The following S100A1 variants were observed in gnomAD, a reference collection of about 807,000 sequenced individuals.
S100A1 encodes protein S100-A1.
Under a neutral mutation model 7.6 loss-of-function variants are expected in S100A1, and 3 were observed. That is an observed-to-expected ratio of 0.40 (90% CI 0.18 to 1.02). The LOEUF is 1.02. S100A1 is among the 50% of genes least tolerant of loss of function. The pLI is 0.35. For synonymous variants in S100A1, 49 were observed against 49.0 expected, an observed-to-expected ratio of 1.00 and a Z score of 0.00; for missense variants, 126 against 115.0, an observed-to-expected ratio of 1.10 and a Z score of -0.44.
chr1:153,630,672 G>C lies in S100A1; in HGVS notation c.141+10G>C, dbSNP rs780008385. ...CTCTGGCTTCCTGGATGTGAGCATA[G>C]AGTGGTGGAGTGGGAGTGGAGTGGG... On this transcript the variant is annotated intron_variant, in intron 2 of 2. Coordinates refer to ENST00000292169, the MANE Select transcript of S100A1 (RefSeq NM_006271.2). 28 of 1,613,620 alleles carry C rather than the reference G, an allele frequency of 1.7e-5. No individual in the cohort carries two copies. Among genetic ancestry groups the C allele is most frequent in the Admixed American group, 1.2e-4 (7 of 59,994 alleles).
intron 2 of S100A1, chr1:153,631,075 T>C (rs1667984682): frequency 3.4e-6 from 1 of 292,200 alleles, no homozygotes; most frequent in Non-Finnish European, 6.4e-6. Flanking sequence ...CATTGGAAGA[T>C]TATCTGGGTA....
chr1:153,628,597 G>T, intron 1 of S100A1, 101 bp downstream of exon 1: 1 of 1,486,842 alleles, frequency 6.7e-7, no homozygotes, highest in Non-Finnish European at 9.0e-7. Context: ...GCACTGTGGA[G>T]CACTGAGGAT....
At chr1:153,631,173 T>C in intron 2 of S100A1, 1 of 376,010 alleles carries the variant, frequency 2.7e-6, no homozygotes. Flanking sequence ...TTCATTCAAC[T>C]GGCATGAAGG....
At position 153,628,451 on chromosome 1, in the gene S100A1, T is replaced by C; in HGVS notation, c.-59T>C. 2 of 1,550,702 alleles carry C rather than the reference T, an allele frequency of 1.3e-6. No homozygotes were observed. The highest frequency in any genetic ancestry group is 8.7e-7 in the Non-Finnish European group (1 of 1,146,984). Reference sequence around the variant, plus strand: ...GCTCCAGCAGCCACATTTGCAACCTTGGCCATCTGTCCAGAACCTGCTCCC... The same window carrying C: ...GCTCCAGCAGCCACATTTGCAACCTCGGCCATCTGTCCAGAACCTGCTCCC... On this transcript the variant is annotated 5_prime_UTR_variant, in exon 1 of 3. Transcript: ENST00000292169.
chr1:153,631,321 C>G, intron 2 of S100A1: 2 of 813,192 alleles, frequency 2.5e-6, no homozygotes, highest in African/African-American at 1.7e-5. Context: ...AGCTGTGGGA[C>G]TTTGGGCATA....
At chr1:153,631,550 G>A (rs1668008697) in intron 2 of S100A1, 148 bp from the exon 3 acceptor site, 3 of 1,613,940 alleles carry the variant, frequency 1.9e-6, no homozygotes, top group Admixed American at 3.3e-5. Context: ...AAGCCCTCAA[G>A]ACCTTTGAGG....
At position 153,631,848 on chromosome 1, in the gene S100A1, A is replaced by G; in HGVS notation, c.*7A>G. ...CTTCTGGGAGAACAGTTGAGCAGAC[A>G]GCCACATTGGGCAGCGCCCTTCCTC... On this transcript the variant is annotated 3_prime_UTR_variant, in exon 3 of 3. Transcript: ENST00000292169. The G allele has an allele frequency of 1.2e-6, 2 of 1,613,372 alleles. No homozygotes were observed. Among genetic ancestry groups the G allele is most frequent in the South Asian group, 2.2e-5 (2 of 91,022 alleles).
At position 153,631,630 on chromosome 1, in the gene S100A1, C is replaced by G. The variant is rs201321320; in HGVS notation, c.142-68C>G. ...TCTTTGCCTCCTGCTCCTCAACCAC[C>G]CCCTTGCCTCTGACTCAGTGCTGTA... On this transcript the variant is annotated intron_variant, in intron 2 of 2. Coordinates refer to ENST00000292169, the MANE Select transcript of S100A1 (RefSeq NM_006271.2). 573 of 1,613,410 alleles carry G rather than the reference C, an allele frequency of 3.6e-4. 1 individual carries two copies. The highest frequency in any genetic ancestry group is 8.2e-4 in the Middle Eastern group (5 of 6,082).
chr1:153,630,205 C>T, intron 1 of S100A1: 2 of 450,934 alleles, frequency 4.4e-6, no homozygotes, highest in Non-Finnish European at 7.8e-6. Context: ...CCTGGGCAGC[C>T]ACTGCAGACA....
chr1:153,629,442 G>A (rs1667879348), intron 1 of S100A1: 1 of 152,250 alleles, frequency 6.6e-6, no homozygotes, highest in African/African-American at 2.4e-5. Flanking sequence ...CCTGGGGAAG[G>A]ATGGGGACAT....
At position 153,631,760 on chromosome 1, in the gene S100A1, G is replaced by C. The variant is rs1486545713; in HGVS notation, c.204G>C (p.Gly68=). The C allele has an allele frequency of 6.2e-7, 1 of 1,614,082 alleles. No individual in the cohort carries two copies. Residue 68 remains glycine (G), a synonymous_variant, in exon 3 of 3, where the codon GGG becomes GGC. Transcript: ENST00000292169. ...AGGAGCTAGACGAGAATGGAGACGG[G>C]GAGGTGGACTTCCAGGAGTATGTGG... The part of the protein sequence containing the change: ...VMKELDENGD[G]EVDFQEYVVL...
chr1:153,630,938 G>A lies in S100A1; in HGVS notation c.141+276G>A, dbSNP rs999849238. 5.1e-5 allele frequency: 24 copies of A among 467,238 alleles called. No homozygotes were observed. In the Admixed American group the frequency reaches 7.9e-4, roughly 15 times the overall value. 28.9% of individuals were successfully genotyped at this position (467,238 alleles called of 1,614,324 possible). Reference sequence around the variant, plus strand: ...AGAAGGGAAAGATTGACACTTAAAAGTAAACCATGAACTCCAGGAAATACA... The same window carrying A: ...AGAAGGGAAAGATTGACACTTAAAAATAAACCATGAACTCCAGGAAATACA... On this transcript the variant is annotated intron_variant, in intron 2 of 2. Coordinates refer to ENST00000292169, the MANE Select transcript of S100A1 (RefSeq NM_006271.2).
intron 2 of S100A1, chr1:153,631,117 T>C: frequency 3.3e-6 from 1 of 303,478 alleles, no homozygotes; most frequent in South Asian, 5.8e-5. Context: ...GGTAACTGAA[T>C]GAACAAAAGC....
intron 2 of S100A1, chr1:153,631,398 T>A: frequency 7.2e-7 from 1 of 1,396,530 alleles, no homozygotes; most frequent in South Asian, 1.3e-5. Flanking sequence ...ATACCTCACA[T>A]TATTTGTATT....
chr1:153,630,423 A>T (rs1057337714), intron 1 of S100A1, 86 bp from the exon 2 acceptor site: 3 of 1,500,440 alleles, frequency 2.0e-6, no homozygotes, highest in South Asian at 1.3e-5. Flanking sequence ...GCTGTCAGCC[A>T]GGGCCAGTCC....
intron 1 of S100A1, 197 bp from the exon 2 acceptor site, chr1:153,630,312 A>T: frequency 1.6e-6 from 1 of 626,940 alleles, no homozygotes; most frequent in Non-Finnish European, 2.7e-6. Flanking sequence ...TGAGGGACAC[A>T]GAGAACAGGC....
chr1:153,631,563 G>A, intron 2 of S100A1, 135 bp from the exon 3 acceptor site: 1 of 1,613,910 alleles, frequency 6.2e-7, no homozygotes, highest in Non-Finnish European at 8.5e-7. Flanking sequence ...CTTTGAGGAG[G>A]CCTAGAAGAG....
At chr1:153,629,427 CT>C (rs766602884) in intron 1 of S100A1, 7 of 152,254 alleles carry the variant, frequency 4.6e-5, no homozygotes, top group Non-Finnish European at 5.9e-5. Flanking sequence ...GTCCAGCCCC[CT>C]AGGCCTGGGG....
rs745808328 is a variant in S100A1 at position 153,630,594 on chromosome 1, G to T, written c.73G>T (p.Asp25Tyr). The change falls in exon 2 of 3, where the codon GAC (aspartate) becomes TAC (tyrosine). Residue 25 changes from aspartate to tyrosine, a missense_variant. Transcript: ENST00000292169. Reference protein sequence around the residue: ...VFHAHSGKEGDKYKLSKKELK... With the variant: ...VFHAHSGKEGYKYKLSKKELK... ...CCACGCCCACTCGGGCAAAGAGGGG[G>T]ACAAGTACAAGCTGAGCAAGAAGGA... is the stretch of plus-strand genomic sequence containing the variant. 16 of 1,614,258 alleles carry T rather than the reference G, an allele frequency of 9.9e-6. No homozygotes were observed. Among genetic ancestry groups the T allele is most frequent in the East Asian group, 2.2e-5 (1 of 44,886 alleles).
Sources: allele counts gnomAD v4.1 joint callset, GRCh38; gene constraint gnomAD v4.1.1; transcripts MANE v1.5; gene names NCBI Gene and HGNC (gene_info 2026-07-23, HGNC 2026-07-21).